Variants in PDSS2 observed in about 807,000 individuals in gnomAD.
PDSS2 encodes decaprenyl diphosphate synthase subunit 2, also known as all trans-polyprenyl-diphosphate synthase PDSS2.
A neutral mutation model predicts 44.5 loss-of-function variants in PDSS2; 31 were observed. The ratio of observed to expected loss-of-function variants is 0.70; its 90% CI spans 0.52 to 0.94. The LOEUF (loss-of-function observed/expected upper bound fraction) is 0.94, where lower values mean the gene tolerates loss of function less well. Among genes scored for constraint, PDSS2 ranks in the 40% least tolerant of loss-of-function variants. PDSS2 has a pLI of 0.00. For missense variants in PDSS2, 452 were observed against 482.2 expected (o/e 0.94, Z 0.59); for synonymous variants, 157 against 180.3 (o/e 0.87, Z 1.03).
chr6:107,177,066 C>T (rs572855594), intron 7 of PDSS2, among the ~76,000 whole-genome samples: 16 of 149,086 alleles, frequency 1.1e-4, no homozygotes, highest in South Asian at 6.4e-4. Flanking sequence ...ACAAAATGGA[C>T]GAAGTAATTC....
chr6:107,400,589 A>C (rs1036302687), intron 1 of PDSS2, among the ~76,000 whole-genome samples: 1 of 152,192 alleles, frequency 6.6e-6, no homozygotes, highest in African/African-American at 2.4e-5. Flanking sequence ...GTGGTCTGCA[A>C]GAGAAAGTCT....
At position 107,201,390 on chromosome 6, in the gene PDSS2, C is replaced by CAAAAAAA. The variant is rs747612959; in HGVS notation, c.1009-7543_1009-7537dup. Among the ~76,000 whole-genome samples, 355 of 52,104 alleles carry CAAAAAAA rather than the reference C, an allele frequency of 6.8e-3. 5 individuals carry two copies. Among genetic ancestry groups the CAAAAAAA allele is most frequent in the Middle Eastern group, 0.023 (1 of 44 alleles). The allele number at this position is 52,104 out of a possible 152,430, so 34.2% of individuals were successfully genotyped here. A position where few individuals can be genotyped will look rare whatever the true frequency, so the allele number is the denominator to read the frequency against. ...TGTAAAACAATATTCCATACAAAAG[C>CAAAAAAA]AAAAAAAAAAAAAAAAAAAAAAAAG... is the stretch of plus-strand genomic sequence containing the variant. On this transcript the variant is annotated intron_variant, in intron 6 of 7. Coordinates refer to ENST00000369037, the MANE Select transcript of PDSS2 (RefSeq NM_020381.4).
intron 1 of PDSS2, among the ~76,000 whole-genome samples, chr6:107,418,926 T>C (rs1051750458): frequency 6.6e-6 from 1 of 152,224 alleles, no homozygotes; most frequent in African/African-American, 2.4e-5. Context: ...ATCAATTCTA[T>C]TGTTGCATGC....
chr6:107,224,692 A>G (rs1230046508), intron 4 of PDSS2, among the ~76,000 whole-genome samples: 2 of 151,418 alleles, frequency 1.3e-5, no homozygotes, highest in Non-Finnish European at 2.9e-5. Flanking sequence ...AAGCATTCCA[A>G]TGAATTTACT....
At chr6:107,185,770 T>C (rs749705789) in intron 7 of PDSS2, among the ~76,000 whole-genome samples, 1 of 152,132 alleles carries the variant, frequency 6.6e-6, no homozygotes, top group Non-Finnish European at 1.5e-5. Flanking sequence ...ATTCCTACAA[T>C]TCAATAGGTG....
At position 107,413,216 on chromosome 6, in the gene PDSS2, C is replaced by T. The variant is rs146260160; in HGVS notation, c.296+45774G>A. Among the ~76,000 whole-genome samples, 38 of 152,260 alleles carry T rather than the reference C, an allele frequency of 2.5e-4. 1 individual carries two copies. The East Asian group carries it at 6.2e-3, about 25-fold the overall frequency. On this transcript the variant is annotated intron_variant, in intron 1 of 7. Transcript: ENST00000369037. ...TAAATTAAGTAAGAAAGAATTGACACTTTATCATGAGTCTCAATTTCCCAA... is the reference window on the plus strand; with the variant it reads ...TAAATTAAGTAAGAAAGAATTGACATTTTATCATGAGTCTCAATTTCCCAA...
intron 6 of PDSS2, among the ~76,000 whole-genome samples, chr6:107,204,233 G>A (rs960939887): frequency 5.3e-5 from 8 of 152,044 alleles, no homozygotes; most frequent in African/African-American, 1.4e-4. Context: ...AAGCCACCGC[G>A]CACTGCTTAT....
At chr6:107,156,196 C>CT (rs11447270) in intron 7 of PDSS2, among the ~76,000 whole-genome samples, 38,175 of 117,902 alleles carry the variant, frequency 0.32, 7,412 homozygotes, top group Middle Eastern at 0.48. Context: ...GGCCTGAATG[C>CT]TTTTTTTTTT....
At chr6:107,401,538 G>A (rs992732145) in intron 1 of PDSS2, among the ~76,000 whole-genome samples, 1 of 152,096 alleles carries the variant, frequency 6.6e-6, no homozygotes, top group African/African-American at 2.4e-5. Flanking sequence ...ATCCTCAAAG[G>A]AGCACAGTAC....
At chr6:107,246,914 A>T (rs1774638868) in intron 3 of PDSS2, among the ~76,000 whole-genome samples, 1 of 152,198 alleles carries the variant, frequency 6.6e-6, no homozygotes, top group South Asian at 2.1e-4. Context: ...TACTTAAGAA[A>T]TATTGTAGCA....
rs768072843 is a variant in PDSS2 at position 107,193,895 on chromosome 6, A to G, written c.1009-41T>C. 3 of 1,294,208 alleles carry G rather than the reference A, an allele frequency of 2.3e-6. No homozygotes were observed. In the African/African-American group the frequency reaches 4.4e-5, roughly 19 times the overall value. The allele number at this position is 1,294,208 out of a possible 1,614,324, so 80.2% of individuals were successfully genotyped here. A position where few individuals can be genotyped will look rare whatever the true frequency, so the allele number is the denominator to read the frequency against. On this transcript the variant is annotated intron_variant, in intron 6 of 7. Transcript: ENST00000369037. ...GGAAAATTAATTTGTTACTTCTCTAAAAGTTTAGTGCTTCTATAATTTTTG... is the reference window on the plus strand; with the variant it reads ...GGAAAATTAATTTGTTACTTCTCTAGAAGTTTAGTGCTTCTATAATTTTTG...
chr6:107,294,147 G>C (rs1288804430), intron 2 of PDSS2, among the ~76,000 whole-genome samples: 1 of 152,172 alleles, frequency 6.6e-6, no homozygotes, highest in East Asian at 1.9e-4. Context: ...ACCTTGGCAG[G>C]CTTCACTTAG....
chr6:107,193,971 T>C lies in PDSS2; in HGVS notation c.1009-117A>G, dbSNP rs1582765668. On this transcript the variant is annotated intron_variant, in intron 6 of 7. Transcript: ENST00000369037. ...CTCTGTCCCCCTTTCCCTCTCTCTA[T>C]TTAATATACATATTGAACTATATAT... The C allele has an allele frequency of 5.1e-5, 37 of 729,986 alleles. No homozygotes were observed. In the East Asian group the frequency reaches 9.7e-4, roughly 19 times the overall value. The allele number at this position is 729,986 out of a possible 1,614,324, so 45.2% of individuals were successfully genotyped here.
chr6:107,358,490 T>C (rs1255798243), intron 1 of PDSS2, among the ~76,000 whole-genome samples: 1 of 152,218 alleles, frequency 6.6e-6, no homozygotes, highest in African/African-American at 2.4e-5. Flanking sequence ...TGATATTTTT[T>C]CCACTTATTC....
At chr6:107,427,113 T>A (rs561716088) in intron 1 of PDSS2, among the ~76,000 whole-genome samples, 1 of 152,152 alleles carries the variant, frequency 6.6e-6, no homozygotes, top group Non-Finnish European at 1.5e-5. Context: ...ATAATTCCCA[T>A]GTGTTGTGGG....
At chr6:107,274,001 G>A (rs1196821478) in intron 3 of PDSS2, 28 bp downstream of exon 3, 2 of 1,592,744 alleles carry the variant, frequency 1.3e-6, no homozygotes, top group African/African-American at 1.3e-5. Flanking sequence ...AAGCCATTCA[G>A]GTACAACAAA....
intron 2 of PDSS2, among the ~76,000 whole-genome samples, chr6:107,275,474 A>G (rs1296240149): frequency 6.6e-6 from 1 of 152,116 alleles, no homozygotes; most frequent in Non-Finnish European, 1.5e-5. Flanking sequence ...ATGCCTGGCC[A>G]TGTGACTTGC....
chr6:107,409,445 A>G (rs1196150312), intron 1 of PDSS2, among the ~76,000 whole-genome samples: 1 of 152,106 alleles, frequency 6.6e-6, no homozygotes, highest in Non-Finnish European at 1.5e-5. Context: ...TTTTGGAAAA[A>G]GCTGCTTTCT....
At chr6:107,448,958 C>T (rs1225356988) in intron 1 of PDSS2, among the ~76,000 whole-genome samples, 3 of 152,166 alleles carry the variant, frequency 2.0e-5, no homozygotes, top group Non-Finnish European at 4.4e-5. Context: ...AGAAAACTAC[C>T]CCCATGATTC....
Sources: gnomAD v4.1 joint callset for allele counts (sites outside exome capture counted in the v4.1 genomes callset) on GRCh38, gnomAD v4.1.1 for gene constraint, MANE v1.5 for transcripts, NCBI Gene and HGNC (gene_info 2026-07-23, HGNC 2026-07-21) for gene names.